KIF23: variants seen among roughly 807,000 people sequenced by gnomAD.
KIF23 encodes kinesin-like protein KIF23.
Under a neutral mutation model 137.5 loss-of-function variants are expected in KIF23, and 30 were observed. The observed-to-expected ratio is 0.22, with a 90% CI of 0.16 to 0.30. The LOEUF (loss-of-function observed/expected upper bound fraction) is 0.30. Among genes scored for constraint, KIF23 ranks in the 10% least tolerant of loss-of-function variants. KIF23 has a pLI of 1.00. For synonymous variants in KIF23, 367 were observed against 391.1 expected, an observed-to-expected ratio of 0.94 and a Z score of 0.73; for missense variants, 920 against 1,194.3, an observed-to-expected ratio of 0.77 and a Z score of 3.38.
rs1163840361 is a variant in KIF23, at chr15:69,448,065, CTG to C, written c.*260_*261del. 2.3e-5 allele frequency: 7 copies of C among 308,434 alleles called. No homozygotes were observed. Among genetic ancestry groups the C allele is most frequent in the Admixed American group, 2.0e-4 (4 of 20,240 alleles). 19.1% of individuals were successfully genotyped at this position (308,434 alleles called of 1,614,324 possible). A position where few individuals can be genotyped will look rare whatever the true frequency, so the allele number is the denominator to read the frequency against. ...CAGAGGAAGACTCCTTTTTTCATCA[CTG>C]TATGAATTTTTTATAATGTTTTTTT... is the stretch of plus-strand genomic sequence containing the variant. On this transcript the variant is annotated 3_prime_UTR_variant, in exon 24 of 24. Coordinates refer to ENST00000679126, the MANE Select transcript of KIF23 (RefSeq NM_001367805.3).
rs748094759 is a variant in KIF23 at position 69,447,830 on chromosome 15, G to A, written c.*23G>A. ...TGAACTGACAGTCCCAGTACTGAAA[G>A]AACATTTTCATTTGTGTGGATGATT... On this transcript the variant is annotated 3_prime_UTR_variant, in exon 24 of 24. Transcript: ENST00000679126. The A allele has an allele frequency of 1.2e-6, 2 of 1,600,784 alleles. No homozygotes were observed. The highest frequency in any genetic ancestry group is 2.2e-5 in the South Asian group (2 of 89,466).
At chr15:69,416,888 G>T (rs1212498180) in intron 2 of KIF23, among the ~76,000 whole-genome samples, 4 of 152,160 alleles carry the variant, frequency 2.6e-5, no homozygotes, top group Non-Finnish European at 5.9e-5. Flanking sequence ...CCAGGAGGTT[G>T]CAGTGAGCTG....
At chr15:69,447,764 A>G (rs1021767349) in intron 23 of KIF23, 28 bp from the exon 24 acceptor site, 14 of 1,597,244 alleles carry the variant, frequency 8.8e-6, no homozygotes, top group Non-Finnish European at 1.2e-5. Context: ...GCAAAGTTCA[A>G]CTCTAAGTGC....
rs1456162542 is a variant in KIF23 at position 69,440,799 on chromosome 15, A to G, written c.2141A>G (p.Asn714Ser). The stretch of plus-strand genomic sequence containing the variant: ...AGTAACTATATTGCTCAGATTTCCA[A>G]CGGCCAGCAACTCATGAGCCAGCCA... ...LSSNYIAQISNGQQLMSQPQL... is the reference protein window; with the variant it reads ...LSSNYIAQISSGQQLMSQPQL... Residue 714 changes from asparagine to serine, a missense_variant, in exon 19 of 24, where the codon AAC becomes AGC. Transcript: ENST00000679126. 1.2e-6 allele frequency: 2 copies of G among 1,611,628 alleles called. No homozygotes were observed. Among genetic ancestry groups the G allele is most frequent in the Non-Finnish European group, 8.5e-7 (1 of 1,179,816 alleles).
In KIF23 at chr15:69,426,594, T is replaced by G. The variant is rs1467701918; in HGVS notation, c.1011+137T>G. On this transcript the variant is annotated intron_variant, in intron 10 of 23. Coordinates refer to ENST00000679126, the MANE Select transcript of KIF23 (RefSeq NM_001367805.3). ...TCAGCCAGGCATGGTGATGCACCAC[T>G]CCTGTAATCCCAGCTACTTGTGTAC... 5 of 815,522 alleles carry G rather than the reference T, an allele frequency of 6.1e-6. No individual in the cohort carries two copies. In the Admixed American group the frequency reaches 7.4e-5, roughly 12 times the overall value. The allele number at this position is 815,522 out of a possible 1,614,324, so 50.5% of individuals were successfully genotyped here. A position where few individuals can be genotyped will look rare whatever the true frequency, so the allele number is the denominator to read the frequency against.
At chr15:69,439,097 CAA>C (rs35730014) in intron 16 of KIF23, among the ~76,000 whole-genome samples, 15 of 110,720 alleles carry the variant, frequency 1.4e-4, no homozygotes, top group Admixed American at 1.9e-4. Flanking sequence ...GAGCCTGTCT[CAA>C]AAAAAAAAAA....
chr15:69,427,679 A>G (rs1595993340), intron 10 of KIF23, among the ~76,000 whole-genome samples: 1 of 152,236 alleles, frequency 6.6e-6, no homozygotes, highest in Admixed American at 6.5e-5. Context: ...GCTTGTGTCA[A>G]TTAGTAACAG....
At chr15:69,428,680 A>AAAAAAC (rs1567065846) in intron 10 of KIF23, among the ~76,000 whole-genome samples, 1 of 151,630 alleles carries the variant, frequency 6.6e-6, no homozygotes, top group African/African-American at 2.4e-5. Flanking sequence ...AAAAAAAAAA[A>AAAAAAC]AAAAACAAAA....
chr15:69,436,524 T>C (rs181870540), intron 14 of KIF23, 40 bp from the exon 15 acceptor site: 3 of 1,540,258 alleles, frequency 1.9e-6, no homozygotes, highest in East Asian at 4.5e-5. Flanking sequence ...GCTCTTTCTC[T>C]CCTATGTAAC....
At chr15:69,446,472 T>C (rs2057742804) in intron 22 of KIF23, 108 bp downstream of exon 22, 3 of 832,380 alleles carry the variant, frequency 3.6e-6, no homozygotes, top group African/African-American at 3.4e-5. Flanking sequence ...AGGTATAATC[T>C]CACATTGCCA....
At chr15:69,441,772 CTTTTT>C (rs1235466537) in intron 19 of KIF23, among the ~76,000 whole-genome samples, 1 of 142,630 alleles carries the variant, frequency 7.0e-6, no homozygotes, top group Non-Finnish European at 1.5e-5. Context: ...ATTGGCTTTT[CTTTTT>C]TTTTTTTTAA....
chr15:69,424,286 A>G (rs2057134059), intron 7 of KIF23, among the ~76,000 whole-genome samples: 1 of 152,204 alleles, frequency 6.6e-6, no homozygotes, highest in Non-Finnish European at 1.5e-5. Context: ...TATTGGGAAA[A>G]CAATTACAAT....
chr15:69,426,050 C>CT lies in KIF23; in HGVS notation c.777-12dup, dbSNP rs751694295. Reference sequence around the variant, plus strand: ...GCATCTCATAATTTAGGAGACTAATCTTTTTTTTCTTTCCCATAGACCTCC... The same window carrying CT: ...GCATCTCATAATTTAGGAGACTAATCTTTTTTTTTCTTTCCCATAGACCTCC... On this transcript the variant is annotated intron_variant, in intron 8 of 23. Coordinates refer to ENST00000679126, the MANE Select transcript of KIF23 (RefSeq NM_001367805.3). The CT allele has an allele frequency of 3.1e-5, 46 of 1,474,912 alleles. No homozygotes were observed. Among genetic ancestry groups the CT allele is most frequent in the Admixed American group, 2.0e-4 (8 of 40,238 alleles). The allele number at this position is 1,474,912 out of a possible 1,614,324, so 91.4% of individuals were successfully genotyped here. A position where few individuals can be genotyped will look rare whatever the true frequency, so the allele number is the denominator to read the frequency against.
intron 10 of KIF23, among the ~76,000 whole-genome samples, chr15:69,427,953 C>T (rs916232109): frequency 5.9e-5 from 9 of 152,102 alleles, no homozygotes; most frequent in South Asian, 4.1e-4. Flanking sequence ...CCTCAATAAC[C>T]GTTAGCTAGA....
intron 16 of KIF23, among the ~76,000 whole-genome samples, chr15:69,439,271 G>A (rs2057556336): frequency 6.6e-6 from 1 of 151,432 alleles, no homozygotes; most frequent in African/African-American, 2.4e-5. Flanking sequence ...AGCTTTGGTT[G>A]TAGCTTGCTT....
At chr15:69,445,152 G>T (rs990131024) in intron 20 of KIF23, 111 bp downstream of exon 20, 4 of 1,042,594 alleles carry the variant, frequency 3.8e-6, no homozygotes, top group Non-Finnish European at 5.4e-6. Flanking sequence ...TGGAACATCA[G>T]TAGGTATTTG....
chr15:69,427,333 C>T (rs2057224755), intron 10 of KIF23: 1 of 453,732 alleles, frequency 2.2e-6, no homozygotes, highest in African/African-American at 2.0e-5. Flanking sequence ...TGTATGTAGG[C>T]GATGACATTA....
At position 69,440,004 on chromosome 15, in the gene KIF23, C is replaced by T. The variant is rs1336900120; in HGVS notation, c.1856C>T (p.Ser619Phe). Residue 619 changes from serine to phenylalanine, a missense_variant, in exon 17 of 24, where the codon TCT becomes TTT. Around this residue, in one of 4 missense-constraint regions of KIF23, gnomAD observed 714 missense variants for 866.2 expected, o/e 0.82. Coordinates refer to ENST00000679126, the MANE Select transcript of KIF23 (RefSeq NM_001367805.3). ...AACCAGAAACTTCAGCGACAGTTTT[C>T]TGACAAACGCAGATTAGAAGCCAGG... ...TQNQKLQRQF[S>F]DKRRLEARLQ... The T allele has an allele frequency of 6.2e-7, 1 of 1,613,928 alleles. No individual in the cohort carries two copies. Among genetic ancestry groups the T allele is most frequent in the African/African-American group, 1.3e-5 (1 of 74,916 alleles).
chr15:69,421,971 T>C (rs747385783), intron 4 of KIF23, 21 bp from the exon 5 acceptor site: 16 of 1,612,238 alleles, frequency 9.9e-6, no homozygotes, highest in East Asian at 4.5e-5. Context: ...ATATAACTCA[T>C]TGTGACTTGC....
Sources: gnomAD v4.1 joint callset for allele counts (sites outside exome capture counted in the v4.1 genomes callset) on GRCh38, gnomAD v4.1.1 for gene constraint, gnomAD v4.1.1 regional missense constraint, MANE v1.5 for transcripts, NCBI Gene and HGNC (gene_info 2026-07-23, HGNC 2026-07-21) for gene names.